Variants in NHSL1 observed in about 807,000 individuals in gnomAD.
The protein encoded by NHSL1 is NHS-like protein 1.
In NHSL1, 48 loss-of-function variants were observed where a neutral mutation model predicts 95.0. That is an observed-to-expected ratio of 0.51 (90% CI 0.40 to 0.64). The LOEUF is 0.64. Among genes scored for constraint, NHSL1 ranks in the 30% least tolerant of loss-of-function variants. NHSL1 has a pLI of 0.00. For synonymous variants in NHSL1, 783 were observed against 833.9 expected, an observed-to-expected ratio of 0.94 and a Z score of 1.05; for missense variants, 1,971 against 2,077.7, an observed-to-expected ratio of 0.95 and a Z score of 1.00.
chr6:138,622,347 A>G (rs891716496), intron 1 of NHSL1, among the ~76,000 whole-genome samples: 5 of 149,458 alleles, frequency 3.3e-5, no homozygotes, highest in Admixed American at 6.6e-5. Flanking sequence ...CTAAAAATCC[A>G]AAAAAAAATA....
intron 1 of NHSL1, among the ~76,000 whole-genome samples, chr6:138,587,063 C>T (rs983050038): frequency 1.1e-4 from 16 of 151,874 alleles, no homozygotes; most frequent in Non-Finnish European, 2.2e-4. Flanking sequence ...ACCTCCGCCC[C>T]CTAGGTTCAA....
At chr6:138,528,715 C>T (rs1188108833) in intron 1 of NHSL1, among the ~76,000 whole-genome samples, 1 of 152,170 alleles carries the variant, frequency 6.6e-6, no homozygotes, top group East Asian at 1.9e-4. Context: ...ATGGATTCAC[C>T]ACATTGGCAA....
At chr6:138,491,275 T>C (rs1291720101) in intron 2 of NHSL1, among the ~76,000 whole-genome samples, 1 of 152,234 alleles carries the variant, frequency 6.6e-6, no homozygotes, top group Non-Finnish European at 1.5e-5. Context: ...AAGTGCCTGT[T>C]AAACATACTG....
rs1167825812 is a variant in NHSL1 at position 138,424,246 on chromosome 6, C to T, written c.4656G>A (p.Leu1552=). Reference sequence around the variant, plus strand: ...CCATCTCCTCCCTCGCCAGTCCGTCCAGGGAACATCCCTCCGCAGCGCCCA... The same window carrying T: ...CCATCTCCTCCCTCGCCAGTCCGTCTAGGGAACATCCCTCCGCAGCGCCCA... The part of the protein sequence containing the change: ...GALGAAEGCS[L]DGLAREEMDE... The change falls in exon 8 of 8, where the codon CTG becomes CTA. Residue 1552 remains leucine (L), a synonymous_variant. Transcript: ENST00000343505. This position sits in a 1 kb window ranked among gnomAD's most constrained non-coding sequence, Gnocchi z 5.9. 4.6e-6 allele frequency: 7 copies of T among 1,506,246 alleles called. No individual in the cohort carries two copies. The highest frequency in any genetic ancestry group is 6.2e-6 in the Non-Finnish European group (7 of 1,126,840). The allele number at this position is 1,506,246 out of a possible 1,614,324, so 93.3% of individuals were successfully genotyped here. A position where few individuals can be genotyped will look rare whatever the true frequency, so the allele number is the denominator to read the frequency against.
chr6:138,517,013 T>C (rs374868811), intron 1 of NHSL1, among the ~76,000 whole-genome samples: 4 of 152,336 alleles, frequency 2.6e-5, no homozygotes, highest in African/African-American at 7.2e-5. Flanking sequence ...ATTTTAAAAA[T>C]AGACAAAATG....
chr6:138,552,171 A>G (rs1783030409), intron 1 of NHSL1, among the ~76,000 whole-genome samples: 2 of 152,194 alleles, frequency 1.3e-5, no homozygotes, highest in African/African-American at 4.8e-5. Flanking sequence ...CTGTAATCCC[A>G]GCACTTTGGG....
intron 1 of NHSL1, among the ~76,000 whole-genome samples, chr6:138,541,316 A>C (rs1412889798): frequency 6.6e-6 from 1 of 152,166 alleles, no homozygotes; most frequent in East Asian, 1.9e-4. Context: ...GCAGTGAGCC[A>C]AGATCGCACT....
At chr6:138,565,282 T>C (rs1783569990) in intron 1 of NHSL1, among the ~76,000 whole-genome samples, 1 of 152,094 alleles carries the variant, frequency 6.6e-6, no homozygotes, top group Admixed American at 6.5e-5. Context: ...AATTTTTGTA[T>C]TTTTAGTAGA....
intron 1 of NHSL1, among the ~76,000 whole-genome samples, chr6:138,672,160 A>C (rs1785380901): frequency 6.6e-6 from 1 of 152,204 alleles, no homozygotes; most frequent in African/African-American, 2.4e-5. Context: ...GTGGCCATGC[A>C]GTCAGCTCAT....
At position 138,430,924 on chromosome 6, in the gene NHSL1, G is replaced by T. The variant is rs1322075578; in HGVS notation, c.3421C>A (p.Pro1141Thr). Residue 1141 changes from proline to threonine, a missense_variant, in exon 6 of 8, where the codon CCT becomes ACT. Physicochemically the swap from Pro to Thr is conservative, Grantham distance 38. Around this residue, in one of 3 missense-constraint regions of NHSL1, gnomAD observed 1,602 missense variants for 1,654.5 expected, o/e 0.97. Transcript: ENST00000343505. The surrounding 1 kb of genome is among the most constrained non-coding windows in gnomAD (Gnocchi z 4.7). Reference sequence around the variant, plus strand: ...TCACCCTGACTCGAGCTCTTGGCAGGCGTCGGAAGCGAGCTTGTCACAGAG... The same window carrying T: ...TCACCCTGACTCGAGCTCTTGGCAGTCGTCGGAAGCGAGCTTGTCACAGAG... Reference protein sequence around the residue: ...PASVTSSLPTPAKSSSQGDHG... With the variant: ...PASVTSSLPTTAKSSSQGDHG... 2.3e-5 allele frequency: 35 copies of T among 1,551,566 alleles called. No individual in the cohort carries two copies. Among genetic ancestry groups the T allele is most frequent in the Non-Finnish European group, 3.1e-5 (35 of 1,146,870 alleles).
intron 1 of NHSL1, among the ~76,000 whole-genome samples, chr6:138,589,677 T>G (rs920923901): frequency 6.6e-6 from 1 of 152,216 alleles, no homozygotes; most frequent in East Asian, 1.9e-4. Flanking sequence ...CTTCTCACAG[T>G]AGGAATGAAT....
intron 1 of NHSL1, among the ~76,000 whole-genome samples, chr6:138,557,668 T>G (rs1436855837): frequency 6.6e-6 from 1 of 152,230 alleles, no homozygotes; most frequent in Non-Finnish European, 1.5e-5. Context: ...GAGGTTAAAT[T>G]GTACTCTTTG....
chr6:138,449,856 T>C (rs575103976), intron 3 of NHSL1, among the ~76,000 whole-genome samples: 1 of 152,332 alleles, frequency 6.6e-6, no homozygotes, highest in South Asian at 2.1e-4. Context: ...TTACTTGATG[T>C]TCTTAATAAA....
At position 138,519,585 on chromosome 6, in the gene NHSL1, C is replaced by A. The variant is rs577650139; in HGVS notation, c.17-23214G>T. Among the ~76,000 whole-genome samples, 4 of 152,226 alleles carry A rather than the reference C, an allele frequency of 2.6e-5. No individual in the cohort carries two copies. In the East Asian group the frequency reaches 5.8e-4, roughly 22 times the overall value. On this transcript the variant is annotated intron_variant, in intron 1 of 4. Coordinates refer to the NHSL1 transcript ENST00000342260. Reference sequence around the variant, plus strand: ...TTTCCCATTGTCCATGATACATCAACCCTGTGAGAAAATCAACAGAGGAGT... The same window carrying A: ...TTTCCCATTGTCCATGATACATCAAACCTGTGAGAAAATCAACAGAGGAGT...
chr6:138,543,466 T>C (rs1782662663), intron 1 of NHSL1, among the ~76,000 whole-genome samples: 1 of 152,178 alleles, frequency 6.6e-6, no homozygotes, highest in Non-Finnish European at 1.5e-5. Flanking sequence ...ACAGTCTAAG[T>C]AGAGAAAAGG....
At chr6:138,593,139 G>C (rs1377888679) in intron 1 of NHSL1, among the ~76,000 whole-genome samples, 1 of 152,188 alleles carries the variant, frequency 6.6e-6, no homozygotes, top group Non-Finnish European at 1.5e-5. Flanking sequence ...ATTGAATCCT[G>C]AAACTGTAAA....
intron 1 of NHSL1, among the ~76,000 whole-genome samples, chr6:138,533,390 C>G (rs940452930): frequency 1.3e-5 from 2 of 151,986 alleles, no homozygotes; most frequent in Admixed American, 1.3e-4. Flanking sequence ...TGGAGAAACC[C>G]CGTCTCTACT....
intron 1 of NHSL1, among the ~76,000 whole-genome samples, chr6:138,618,870 T>G (rs1350009701): frequency 3.9e-5 from 6 of 152,270 alleles, no homozygotes; most frequent in Non-Finnish European, 4.4e-5. Context: ...ATATATATAA[T>G]CACCTAAGAA....
intron 1 of NHSL1, among the ~76,000 whole-genome samples, chr6:138,675,204 G>C (rs1785432938): frequency 6.6e-6 from 1 of 152,012 alleles, no homozygotes; most frequent in Non-Finnish European, 1.5e-5. Context: ...CTTCTGGCTT[G>C]GTGCTCTCAT....
Sources: gnomAD v4.1 joint callset for allele counts (sites outside exome capture counted in the v4.1 genomes callset) on GRCh38, gnomAD v4.1.1 for gene constraint, gnomAD v4.1.1 regional missense constraint, Gnocchi (gnomAD v3.1) non-coding constraint, MANE v1.5 for transcripts, NCBI Gene and HGNC (gene_info 2026-07-23, HGNC 2026-07-21) for gene names.